Variants in CYTH3 observed in about 807,000 individuals in gnomAD.
The protein encoded by CYTH3 is cytohesin 3.
In CYTH3, 23 loss-of-function variants were observed where a neutral mutation model predicts 55.1. That is an observed-to-expected ratio of 0.42 (90% CI 0.30 to 0.59). The LOEUF (loss-of-function observed/expected upper bound fraction) is 0.59. CYTH3 is among the 20% of genes least tolerant of loss of function. The probability of loss-of-function intolerance (pLI) is 0.20; values close to 1 mark genes in which losing one functional copy is unlikely to be tolerated. For synonymous variants in CYTH3, 249 were observed against 194.9 expected (o/e 1.28, Z -2.31); for missense variants, 413 against 524.8 (o/e 0.79, Z 2.08).
At chr7:6,207,582 T>C (rs986747396) in intron 1 of CYTH3, among the ~76,000 whole-genome samples, 3 of 152,028 alleles carry the variant, frequency 2.0e-5, no homozygotes, top group Middle Eastern at 3.4e-3. Flanking sequence ...CTGGGCAATA[T>C]AGGCCACAGT....
At chr7:6,255,772 T>C (rs1335204815) in intron 1 of CYTH3, among the ~76,000 whole-genome samples, 2 of 146,190 alleles carry the variant, frequency 1.4e-5, no homozygotes, top group Non-Finnish European at 3.0e-5. Flanking sequence ...TTTTTTTTTT[T>C]TTTTTTTTTG....
At chr7:6,216,497 G>A (rs1245853713) in intron 1 of CYTH3, among the ~76,000 whole-genome samples, 2 of 152,012 alleles carry the variant, frequency 1.3e-5, no homozygotes, top group Admixed American at 1.3e-4. Flanking sequence ...CTAGCACTTT[G>A]GGAGGCTGAG....
chr7:6,175,963 A>G (rs1783340709), intron 5 of CYTH3, among the ~76,000 whole-genome samples: 2 of 152,168 alleles, frequency 1.3e-5, no homozygotes, highest in Admixed American at 6.5e-5. Flanking sequence ...AACTTCTGCA[A>G]AGAAGTCAGC....
intron 1 of CYTH3, among the ~76,000 whole-genome samples, chr7:6,259,806 TATATATAATATATATATATATATA>T (rs1562417974): frequency 1.0e-3 from 31 of 30,176 alleles, no homozygotes; most frequent in South Asian, 1.9e-3. Flanking sequence ...TATATATATA[TATATATAATATATATATATATATA>T]TATTTTTTTT....
intron 1 of CYTH3, among the ~76,000 whole-genome samples, chr7:6,262,183 ATC>A (rs1780368846): frequency 6.6e-6 from 1 of 152,212 alleles, no homozygotes; most frequent in African/African-American, 2.4e-5. Flanking sequence ...ACAGAAAAGA[ATC>A]TAAGACATAC....
intron 1 of CYTH3, among the ~76,000 whole-genome samples, chr7:6,252,376 T>G (rs1366409732): frequency 1.3e-5 from 2 of 152,196 alleles, no homozygotes; most frequent in East Asian, 3.8e-4. Context: ...ACATATACTC[T>G]CTGGTTACGT....
chr7:6,264,033 G>A lies in CYTH3; in HGVS notation c.34+8441C>T, dbSNP rs147806631. On this transcript the variant is annotated intron_variant, in intron 1 of 12. Transcript: ENST00000350796. ...AGGCTGAGGCCGGCAGATCATCTGAGGTCAGAAGTTCAAGACCAGCCTGGC... is the reference window on the plus strand; with the variant it reads ...AGGCTGAGGCCGGCAGATCATCTGAAGTCAGAAGTTCAAGACCAGCCTGGC... Among the ~76,000 whole-genome samples the A allele has an allele frequency of 6.3e-3, 954 of 152,038 alleles. 10 individuals are homozygous for A. The highest frequency in any genetic ancestry group is 0.021 in the African/African-American group (890 of 41,464).
intron 1 of CYTH3, among the ~76,000 whole-genome samples, chr7:6,222,505 G>T (rs1277240752): frequency 6.6e-6 from 1 of 152,114 alleles, no homozygotes; most frequent in East Asian, 1.9e-4. Context: ...CCAGCACTCG[G>T]GGAGGCCAAG....
At position 6,161,902 on chromosome 7, in the gene CYTH3, G is replaced by C. The variant is rs527922884; in HGVS notation, c.*3042C>G. 6.6e-6 allele frequency: 1 copy of C among 152,500 alleles called. No individual in the cohort carries two copies. Among genetic ancestry groups the C allele is most frequent in the African/African-American group, 2.4e-5 (1 of 41,398 alleles). The allele number at this position is 152,500 out of a possible 1,614,324, so 9.4% of individuals were successfully genotyped here. ...ATCAATAGAGGCTGTTCCTTCATGC[G>C]AGCTGTGGGAGTATATACATCATTG... On this transcript the variant is annotated 3_prime_UTR_variant, in exon 13 of 13. Transcript: ENST00000350796.
intron 1 of CYTH3, among the ~76,000 whole-genome samples, chr7:6,255,364 C>A (rs367603545): frequency 3.9e-5 from 6 of 152,072 alleles, no homozygotes; most frequent in Non-Finnish European, 7.4e-5. Flanking sequence ...GGGAATTACC[C>A]GAAATATCCT....
intron 1 of CYTH3, among the ~76,000 whole-genome samples, chr7:6,191,696 C>T (rs1265717301): frequency 6.7e-6 from 1 of 150,200 alleles, no homozygotes; most frequent in Non-Finnish European, 1.5e-5. Flanking sequence ...CCTGGGTTCA[C>T]TGCACTCAGC....
chr7:6,272,418 GCC>G, intron 1 of CYTH3, 54 bp downstream of exon 1: 2 of 1,182,748 alleles, frequency 1.7e-6, no homozygotes, highest in Non-Finnish European at 2.1e-6. Flanking sequence ...TCGACCCCCA[GCC>G]CCCGGCCCCC....
chr7:6,174,335 G>C lies in CYTH3; in HGVS notation c.369-602C>G, dbSNP rs891471634. Among the ~76,000 whole-genome samples the C allele has an allele frequency of 1.9e-4, 28 of 150,660 alleles. No individual in the cohort carries two copies. In the East Asian group the frequency reaches 4.4e-3, roughly 24 times the overall value. On this transcript the variant is annotated intron_variant, in intron 5 of 12. Coordinates refer to ENST00000350796, the MANE Select transcript of CYTH3 (RefSeq NM_004227.4). ...TCTCCATGTTGGTCAGGCTGGTCTC[G>C]AACTCCCGACCTCAGGTGATCCGCC...
chr7:6,192,336 G>A (rs1783820120), intron 1 of CYTH3, among the ~76,000 whole-genome samples: 1 of 151,810 alleles, frequency 6.6e-6, no homozygotes, highest in African/African-American at 2.4e-5. Context: ...TCCCACCTCA[G>A]CCTCCCAAGT....
At chr7:6,211,456 C>T (rs1784317783) in intron 1 of CYTH3, among the ~76,000 whole-genome samples, 1 of 152,212 alleles carries the variant, frequency 6.6e-6, no homozygotes, top group South Asian at 2.1e-4. Flanking sequence ...CTTTGCTTTT[C>T]TCATTTCAAA....
At chr7:6,234,888 C>T (rs1257026733) in intron 1 of CYTH3, among the ~76,000 whole-genome samples, 3 of 152,144 alleles carry the variant, frequency 2.0e-5, no homozygotes, top group Non-Finnish European at 2.9e-5. Flanking sequence ...GAATATGAGA[C>T]GTGGCCCAAG....
At chr7:6,188,230 G>C (rs1297399497) in intron 2 of CYTH3, among the ~76,000 whole-genome samples, 1 of 152,054 alleles carries the variant, frequency 6.6e-6, no homozygotes, top group African/African-American at 2.4e-5. Flanking sequence ...CTACTAGAGA[G>C]GCTGAGGAGG....
Position 6,173,555 on chromosome 7 carries a change from A to G in CYTH3, c.449+98T>C. 7.6e-6 allele frequency: 6 copies of G among 788,044 alleles called. No homozygotes were observed. The Admixed American group carries it at 1.1e-4, about 15-fold the overall frequency. 48.8% of individuals were successfully genotyped at this position (788,044 alleles called of 1,614,324 possible). A position where few individuals can be genotyped will look rare whatever the true frequency, so the allele number is the denominator to read the frequency against. ...CCAGCATCTGTGAGACTCGTGTGGC[A>G]CCAAGTTACCTGGAGTCAATTCACC... On this transcript the variant is annotated intron_variant, in intron 6 of 12. Coordinates refer to ENST00000350796, the MANE Select transcript of CYTH3 (RefSeq NM_004227.4).
chr7:6,197,445 G>A lies in CYTH3; in HGVS notation c.35-6914C>T, dbSNP rs962637357. Among the ~76,000 whole-genome samples the A allele has an allele frequency of 2.0e-5, 3 of 152,332 alleles. No homozygotes were observed. In the East Asian group the frequency reaches 5.8e-4, roughly 29 times the overall value. ...CACCTGTAATCTCAGCACTTTGGAA[G>A]GCCGAAGTGGGCGGATCACCTAAGG... is the stretch of plus-strand genomic sequence containing the variant. On this transcript the variant is annotated intron_variant, in intron 1 of 12. Transcript: ENST00000350796.
Sources: gnomAD v4.1 joint callset for allele counts (sites outside exome capture counted in the v4.1 genomes callset) on GRCh38, gnomAD v4.1.1 for gene constraint, MANE v1.5 for transcripts, NCBI Gene and HGNC (gene_info 2026-07-23, HGNC 2026-07-21) for gene names.